SYNPO: variants seen among roughly 807,000 people sequenced by gnomAD.
SYNPO encodes the protein synaptopodin.
A neutral mutation model predicts 49.5 loss-of-function variants in SYNPO; 19 were observed. The ratio of observed to expected loss-of-function variants is 0.38; its 90% CI spans 0.27 to 0.56. The LOEUF (loss-of-function observed/expected upper bound fraction) is 0.56, where lower values mean the gene tolerates loss of function less well. Ranked by LOEUF, SYNPO falls within the 20% of genes least tolerant of loss-of-function variation. SYNPO has a pLI of 0.68. For missense variants in SYNPO, 1,131 were observed against 1,248.3 expected, an observed-to-expected ratio of 0.91 and a Z score of 1.42; for synonymous variants, 536 against 548.0, an observed-to-expected ratio of 0.98 and a Z score of 0.31.
rs114820573 is a variant in SYNPO, at chr5:150,610,536, C to T, written c.-265-7567C>T. On this transcript the variant is annotated intron_variant, in intron 1 of 2. Coordinates refer to the SYNPO transcript ENST00000394243. ...GTTATTGTGAGGAAGAAACAAGAAA[C>T]AAGATTGATACAGTGCCCAGCACAT... Among the ~76,000 whole-genome samples, 814 of 152,278 alleles carry T rather than the reference C, an allele frequency of 5.3e-3. 6 individuals carry two copies. The highest frequency in any genetic ancestry group is 0.018 in the African/African-American group (766 of 41,542).
At chr5:150,612,162 T>C (rs1185062695) in intron 1 of SYNPO, among the ~76,000 whole-genome samples, 1 of 152,284 alleles carries the variant, frequency 6.6e-6, no homozygotes, top group East Asian at 1.9e-4. Context: ...AGAACTTAGC[T>C]CTGGATAGAC....
chr5:150,599,310 G>T (rs1448093755), upstream of SYNPO, among the ~76,000 whole-genome samples: 1 of 152,256 alleles, frequency 6.6e-6, no homozygotes, highest in Non-Finnish European at 1.5e-5. Flanking sequence ...GTGAGGCCAA[G>T]AACCCGGGAA....
At chr5:150,644,270 C>A (rs947455274) in intron 1 of SYNPO, among the ~76,000 whole-genome samples, 1 of 152,008 alleles carries the variant, frequency 6.6e-6, no homozygotes, top group Non-Finnish European at 1.5e-5. Flanking sequence ...GGAGTGAGCT[C>A]GTCACCTGAG....
chr5:150,625,454 CACA>C (rs1757325032), intron 2 of SYNPO, among the ~76,000 whole-genome samples: 1 of 152,192 alleles, frequency 6.6e-6, no homozygotes, highest in African/African-American at 2.4e-5. Context: ...CGGTGGGGCA[CACA>C]GGATGCCAGA....
the SYNPO span, among the ~76,000 whole-genome samples, chr5:150,592,034 G>T: frequency 6.6e-6 from 1 of 152,096 alleles, no homozygotes; most frequent in Non-Finnish European, 1.5e-5. Context: ...GCATGGTGGC[G>T]CATGCCTATA....
chr5:150,602,997 G>GGGGGTGTGTGT (rs1554106602), intron 1 of SYNPO, among the ~76,000 whole-genome samples: 62 of 131,252 alleles, frequency 4.7e-4, no homozygotes, highest in African/African-American at 1.8e-3. Context: ...GCCACCTTAG[G>GGGGGTGTGTGT]GTGTGTGTGT....
chr5:150,597,206 C>A (rs1756441191), upstream of SYNPO, among the ~76,000 whole-genome samples: 1 of 152,174 alleles, frequency 6.6e-6, no homozygotes, highest in Admixed American at 6.5e-5. Flanking sequence ...GACATTGCAC[C>A]TCTCGGCTGT....
At position 150,648,233 on chromosome 5, in the gene SYNPO, C is replaced by T. The variant is rs1581508999; in HGVS notation, c.-43C>T. 6.2e-6 allele frequency: 10 copies of T among 1,612,546 alleles called. No individual in the cohort carries two copies. Among genetic ancestry groups the T allele is most frequent in the Non-Finnish European group, 8.5e-6 (10 of 1,179,266 alleles). ...TGCCGGAGCCAGGCCCTCCACGGCA[C>T]CCCAGTCCCCAGAGCCCCGACAGAG... On this transcript the variant is annotated 5_prime_UTR_variant, in exon 2 of 3. Transcript: ENST00000307662. This position sits in a 1 kb window ranked among gnomAD's most constrained non-coding sequence, Gnocchi z 5.0.
At chr5:150,598,296 T>G (rs1265833438), upstream of SYNPO, among the ~76,000 whole-genome samples, 1 of 152,226 alleles carries the variant, frequency 6.6e-6, no homozygotes, top group Non-Finnish European at 1.5e-5. Flanking sequence ...AGACTGAGGC[T>G]GAGTCTCACT....
chr5:150,610,532 G>C (rs1208513077), intron 1 of SYNPO, among the ~76,000 whole-genome samples: 1 of 152,176 alleles, frequency 6.6e-6, no homozygotes, highest in Non-Finnish European at 1.5e-5. Context: ...GAAGAAACAA[G>C]AAACAAGATT....
chr5:150,640,289 A>T (rs904576003), upstream of SYNPO, among the ~76,000 whole-genome samples: 1 of 152,312 alleles, frequency 6.6e-6, no homozygotes, highest in Middle Eastern at 3.4e-3. Flanking sequence ...GCATGTAGAA[A>T]GGATGTGAGA....
the SYNPO span, among the ~76,000 whole-genome samples, chr5:150,590,747 C>T: frequency 1.6e-4 from 25 of 152,170 alleles, no homozygotes; most frequent in Non-Finnish European, 3.1e-4. Flanking sequence ...AGAAGATTCA[C>T]AGAAAATACT....
At chr5:150,607,931 G>A (rs1445359528) in intron 1 of SYNPO, among the ~76,000 whole-genome samples, 1 of 152,212 alleles carries the variant, frequency 6.6e-6, no homozygotes, top group Non-Finnish European at 1.5e-5. Context: ...ACTAAGTCTT[G>A]GAAATCTGGT....
At chr5:150,603,210 G>A (rs1461680162) in intron 1 of SYNPO, among the ~76,000 whole-genome samples, 2 of 152,252 alleles carry the variant, frequency 1.3e-5, no homozygotes, top group African/African-American at 4.8e-5. Context: ...TCCGGCCTCA[G>A]CCTGGCTTTG....
intron 2 of SYNPO, chr5:150,652,208 C>T (rs191029852): frequency 1.0e-6 from 1 of 1,000,732 alleles, no homozygotes; most frequent in African/African-American, 1.7e-5. Flanking sequence ...TGCCCTGGAC[C>T]CCTGCTCCCT....
At chr5:150,643,160 A>T (rs1344136897) in intron 1 of SYNPO, among the ~76,000 whole-genome samples, 1 of 152,222 alleles carries the variant, frequency 6.6e-6, no homozygotes, top group Admixed American at 6.5e-5. Context: ...TGAGCCTTGC[A>T]AGGTGGGAAC....
At chr5:150,646,621 G>C (rs1758101908) in intron 1 of SYNPO, among the ~76,000 whole-genome samples, 1 of 151,590 alleles carries the variant, frequency 6.6e-6, no homozygotes, top group Admixed American at 6.6e-5. Context: ...GCTACTTGGG[G>C]AGCTGAGGCA....
Position 150,650,131 on chromosome 5 carries a change from C to T in SYNPO, c.1856C>T (p.Ser619Phe). The T allele has an allele frequency of 1.9e-6, 3 of 1,613,772 alleles. No individual in the cohort carries two copies. Among genetic ancestry groups the T allele is most frequent in the Non-Finnish European group, 2.5e-6 (3 of 1,179,958 alleles). Residue 619 changes from serine to phenylalanine, a missense_variant, in exon 2 of 3, where the codon TCC becomes TTC. Physicochemically the swap from Ser to Phe is radical, Grantham distance 155. Coordinates refer to ENST00000307662, the MANE Select transcript of SYNPO (RefSeq NM_007286.6). ...PSPALPRPSR[S>F]SPGLYTSPGQ... ...CCTGCCCTGCCTCGGCCCTCGCGCT[C>T]CTCACCGGGCCTCTACACCTCCCCC...
At chr5:150,634,827 AACACACACAC>A (rs202176402) in intron 2 of SYNPO, among the ~76,000 whole-genome samples, 1,325 of 124,750 alleles carry the variant, frequency 0.011, 22 homozygotes, top group African/African-American at 0.044. Context: ...CCCTGTCTAA[AACACACACAC>A]ACACACACAC....
Sources: allele counts gnomAD v4.1 joint callset (sites outside exome capture counted in the v4.1 genomes callset), GRCh38; gene constraint gnomAD v4.1.1; non-coding constraint Gnocchi (gnomAD v3.1); transcripts MANE v1.5; gene names NCBI Gene and HGNC (gene_info 2026-07-23, HGNC 2026-07-21).